Variants in TBL1XR1 observed in about 807,000 individuals in gnomAD.
The protein encoded by TBL1XR1 is F-box-like/WD repeat-containing protein TBL1XR1.
A neutral mutation model predicts 66.9 loss-of-function variants in TBL1XR1; 5 were observed. That is an observed-to-expected ratio of 0.07 (90% confidence interval 0.04 to 0.16). The LOEUF is 0.16. TBL1XR1 is among the 10% of genes least tolerant of loss of function. The pLI is 1.00. For synonymous variants in TBL1XR1, 210 were observed against 206.0 expected, an observed-to-expected ratio of 1.02 and a Z score of -0.17; for missense variants, 238 against 623.2, an observed-to-expected ratio of 0.38 and a Z score of 6.58.
Position 177,020,052 on chromosome 3 carries a change from G to A in TBL1XR1, c.*5446C>T, listed in dbSNP as rs908733899. ...AAAGTCTCTAACTCTAAAGGAGTTG[G>A]TATTAATTAAAACTAGAAGGTGTCT... On this transcript the variant is annotated 3_prime_UTR_variant, in exon 16 of 16. Transcript: ENST00000457928. 6.6e-6 allele frequency: 1 copy of A among 150,952 alleles called. No individual in the cohort carries two copies. The highest frequency in any genetic ancestry group is 1.5e-5 in the Non-Finnish European group (1 of 67,794). 9.4% of individuals were successfully genotyped at this position (150,952 alleles called of 1,614,324 possible). A position where few individuals can be genotyped will look rare whatever the true frequency, so the allele number is the denominator to read the frequency against.
At chr3:177,201,411 T>C (rs555944390), upstream of TBL1XR1, among the ~76,000 whole-genome samples, 1 of 107,080 alleles carries the variant, frequency 9.3e-6, no homozygotes, top group Non-Finnish European at 1.8e-5. Context: ...TGAGATTACA[T>C]CTCAAAAAAA....
chr3:177,033,966 A>G (rs544675198), intron 13 of TBL1XR1, among the ~76,000 whole-genome samples: 1 of 152,210 alleles, frequency 6.6e-6, no homozygotes, highest in South Asian at 2.1e-4. Context: ...GTGAGGAATA[A>G]AAGACTACAC....
intron 1 of TBL1XR1, among the ~76,000 whole-genome samples, chr3:177,135,470 G>A (rs1392310850): frequency 3.5e-5 from 5 of 144,550 alleles, no homozygotes; most frequent in Non-Finnish European, 6.1e-5. Context: ...TGCAAGCTCC[G>A]CCAGCCGGGT....
At chr3:177,059,864 C>T (rs1718287276) in intron 3 of TBL1XR1, among the ~76,000 whole-genome samples, 1 of 152,156 alleles carries the variant, frequency 6.6e-6, no homozygotes, top group Admixed American at 6.5e-5. Context: ...GCCAGCACAG[C>T]TAGGATAAAG....
rs184328144 is a variant in TBL1XR1, at chr3:177,156,191, C to T, written c.-122+40930G>A. On this transcript the variant is annotated intron_variant, in intron 1 of 15. Coordinates refer to ENST00000457928, the MANE Select transcript of TBL1XR1 (RefSeq NM_024665.7). ...AAAAAAAAAAAAAAAAAAAAAGGCA[C>T]GAAAGGAATGAAAAATCAAGACATA... Among the ~76,000 whole-genome samples the T allele has an allele frequency of 4.0e-3, 371 of 93,530 alleles. 21 individuals carry two copies. In the East Asian group the frequency reaches 0.097, roughly 24 times the overall value. 61.4% of individuals were successfully genotyped at this position (93,530 alleles called of 152,430 possible). A position where few individuals can be genotyped will look rare whatever the true frequency, so the allele number is the denominator to read the frequency against.
chr3:177,122,558 A>C (rs1387988072), intron 1 of TBL1XR1, among the ~76,000 whole-genome samples: 1 of 152,158 alleles, frequency 6.6e-6, no homozygotes, highest in African/African-American at 2.4e-5. Flanking sequence ...CTGCAAGTCC[A>C]CCAACAACTG....
At chr3:177,193,246 G>C (rs1349949987) in intron 1 of TBL1XR1, among the ~76,000 whole-genome samples, 2 of 149,930 alleles carry the variant, frequency 1.3e-5, no homozygotes, top group African/African-American at 4.9e-5. Context: ...TAGAGCCTGA[G>C]TTTGAACTCA....
At chr3:177,065,064 T>A (rs1718975234) in intron 2 of TBL1XR1, 42 bp from the exon 3 acceptor site, 3 of 1,265,286 alleles carry the variant, frequency 2.4e-6, no homozygotes, top group African/African-American at 3.2e-5. Context: ...AGTAAAATAT[T>A]TTTAAACAAG....
intron 1 of TBL1XR1, among the ~76,000 whole-genome samples, chr3:177,134,955 G>GTGTGTGTGTGTGTGTGTC (rs1553852527): frequency 1.4e-5 from 2 of 141,742 alleles, no homozygotes; most frequent in Admixed American, 7.5e-5. Flanking sequence ...CTGTGTGTGT[G>GTGTGTGTGTGTGTGTGTC]TGTGTGTGTG....
rs1712396807 is a variant in TBL1XR1 at position 177,021,710 on chromosome 3, GATTTGCTGCTATTCCACAAAATGTTGGC to G, written c.*3760_*3787del. On this transcript the variant is annotated 3_prime_UTR_variant, in exon 16 of 16. Transcript: ENST00000457928. ...GAAAAACCAACCAGGGTCTCTTGTAGATTTGCTGCTATTCCACAAAATGTTGGCATTTGCTGCCATGCCACAATGTTGG... is the reference window on the plus strand; with the variant it reads ...GAAAAACCAACCAGGGTCTCTTGTAGATTTGCTGCCATGCCACAATGTTGG... 1 of 152,582 alleles carries G rather than the reference GATTTGCTGCTATTCCACAAAATGTTGGC, an allele frequency of 6.6e-6. No homozygotes were observed. The highest frequency in any genetic ancestry group is 1.5e-5 in the Non-Finnish European group (1 of 67,982). 9.5% of individuals were successfully genotyped at this position (152,582 alleles called of 1,614,324 possible).
At chr3:177,079,681 G>A (rs1278816957) in intron 2 of TBL1XR1, 16 of 151,730 alleles carry the variant, frequency 1.1e-4, no homozygotes, top group Admixed American at 1.1e-3. Flanking sequence ...ATAAAAAAGT[G>A]TCACAAGTAA....
At chr3:177,069,002 C>T (rs895870382) in intron 2 of TBL1XR1, among the ~76,000 whole-genome samples, 6 of 152,166 alleles carry the variant, frequency 3.9e-5, no homozygotes, top group Non-Finnish European at 8.8e-5. Flanking sequence ...TTTTCCTTCT[C>T]TCTTTCATTG....
At chr3:177,065,335 G>A (rs1301693398) in intron 2 of TBL1XR1, among the ~76,000 whole-genome samples, 2 of 152,050 alleles carry the variant, frequency 1.3e-5, no homozygotes, top group Non-Finnish European at 2.9e-5. Context: ...CTCCTTAACT[G>A]TAAAAAGAAG....
Position 177,024,389 on chromosome 3 carries a change from T to C in TBL1XR1, c.*1109A>G, listed in dbSNP as rs1466715485. The C allele has an allele frequency of 2.6e-5, 4 of 152,580 alleles. No individual in the cohort carries two copies. The highest frequency in any genetic ancestry group is 7.2e-5 in the African/African-American group (3 of 41,456). 9.5% of individuals were successfully genotyped at this position (152,580 alleles called of 1,614,324 possible). A position where few individuals can be genotyped will look rare whatever the true frequency, so the allele number is the denominator to read the frequency against. On this transcript the variant is annotated 3_prime_UTR_variant, in exon 16 of 16. Transcript: ENST00000457928. ...ATGAGAGATTTTTAATACTGGAGTT[T>C]GGTTACATTACATATTTAAGCTTCT... is the stretch of plus-strand genomic sequence containing the variant.
chr3:177,143,523 A>G (rs1671888072), intron 1 of TBL1XR1, among the ~76,000 whole-genome samples: 1 of 152,226 alleles, frequency 6.6e-6, no homozygotes. Flanking sequence ...TTATTCCTAA[A>G]TTTAAAATAT....
intron 1 of TBL1XR1, among the ~76,000 whole-genome samples, chr3:177,156,327 C>T (rs764484549): frequency 6.6e-6 from 1 of 151,364 alleles, no homozygotes; most frequent in Non-Finnish European, 1.5e-5. Flanking sequence ...GCAAAACCCC[C>T]GTCTCTACTG....
chr3:177,118,040 G>A (rs1386905962), intron 1 of TBL1XR1, among the ~76,000 whole-genome samples: 2 of 152,186 alleles, frequency 1.3e-5, no homozygotes, highest in African/African-American at 4.8e-5. Context: ...TTTATAGGTA[G>A]TATACGAATT....
At chr3:177,026,723 C>T in intron 14 of TBL1XR1, 1 of 376,432 alleles carries the variant, frequency 2.7e-6, no homozygotes, top group Non-Finnish European at 4.7e-6. Flanking sequence ...CCATTCTTGG[C>T]TAAGGTATCT....
rs540320060 is a variant in TBL1XR1 at position 177,168,227 on chromosome 3, T to C, written c.-122+28894A>G. ...TTTAGGTACACAAAATTCTAAGAAA[T>C]ACATTACTACTTGAAGTTAAAAAGA... is the stretch of plus-strand genomic sequence containing the variant. On this transcript the variant is annotated intron_variant, in intron 1 of 15. Transcript: ENST00000457928. 5.9e-5 allele frequency among the ~76,000 whole-genome samples: 9 copies of C among 152,004 alleles called. No homozygotes were observed. The East Asian group carries it at 1.7e-3, about 29-fold the overall frequency.
Sources: gnomAD v4.1 joint callset for allele counts (sites outside exome capture counted in the v4.1 genomes callset) on GRCh38, gnomAD v4.1.1 for gene constraint, MANE v1.5 for transcripts, NCBI Gene and HGNC (gene_info 2026-07-23, HGNC 2026-07-21) for gene names.